The following MTMR8 variants were observed in gnomAD, a reference collection of about 807,000 sequenced individuals.
MTMR8 encodes myotubularin related protein 8, also known as phosphatidylinositol-3,5-bisphosphate 3-phosphatase MTMR8.
A neutral mutation model predicts 39.3 loss-of-function variants in MTMR8; 65 were observed. The ratio of observed to expected loss-of-function variants is 1.65; its 90% confidence interval spans 1.35 to 2.03. The LOEUF (loss-of-function observed/expected upper bound fraction) is 2.03, where lower values mean the gene tolerates loss of function less well. Among genes scored for constraint, MTMR8 ranks in the 30% most tolerant of loss-of-function variants. The pLI, the probability that MTMR8 is intolerant of heterozygous loss-of-function variation, is 0.00. For missense variants in MTMR8, 777 were observed against 538.9 expected (o/e 1.44, Z -4.37); for synonymous variants, 245 against 185.2 (o/e 1.32, Z -2.62).
Position 64,337,406 on chromosome X carries a change from G to C in MTMR8, c.976-13C>G. 5.8e-6 allele frequency: 7 copies of C among 1,204,588 alleles called. No homozygotes were observed. Among genetic ancestry groups the C allele is most frequent in the Non-Finnish European group, 7.8e-6 (7 of 892,052 alleles). ...CTACCTTCACTGCCTGTGAAGACAA[G>C]AGGCAAAAAAGTACCACAAGCAACC... is the stretch of plus-strand genomic sequence containing the variant. On this transcript the variant is annotated splice_polypyrimidine_tract_variant and intron_variant, in intron 8 of 13. Transcript: ENST00000374852.
At chrX:64,373,109 C>T (rs1443144121) in intron 1 of MTMR8, among the ~76,000 whole-genome samples, 1 of 111,777 alleles carries the variant, frequency 8.9e-6, no homozygotes, top group African/African-American at 3.3e-5. Context: ...TTGTTAATTC[C>T]ATTTCATATA....
chrX:64,287,448 G>T (rs1323193909), intron 12 of MTMR8, among the ~76,000 whole-genome samples: 2 of 111,137 alleles, frequency 1.8e-5, no homozygotes, highest in Non-Finnish European at 3.8e-5. Context: ...TTTCTTCACA[G>T]AATTGGAAAA....
At chrX:64,345,797 G>GT (rs772087718) in intron 6 of MTMR8, among the ~76,000 whole-genome samples, 2 of 111,275 alleles carry the variant, frequency 1.8e-5, no homozygotes, top group Non-Finnish European at 3.8e-5. Context: ...TACAAAAAAT[G>GT]TTTTTTGTAA....
At chrX:64,359,301 A>C (rs942791194) in intron 2 of MTMR8, 104 bp downstream of exon 2, 38 of 853,933 alleles carry the variant, frequency 4.4e-5, no homozygotes, top group Non-Finnish European at 5.9e-5. Flanking sequence ...AAAAGGTTTT[A>C]CAGCAATTTA....
chrX:64,269,735 A>AT (rs1158578132), intron 13 of MTMR8, among the ~76,000 whole-genome samples: 2 of 109,987 alleles, frequency 1.8e-5, no homozygotes, highest in African/African-American at 6.6e-5. Context: ...TAAACTTTTC[A>AT]TTTTTTACCT....
intron 7 of MTMR8, among the ~76,000 whole-genome samples, chrX:64,344,060 T>C (rs1207551075): frequency 9.1e-6 from 1 of 110,361 alleles, no homozygotes; most frequent in African/African-American, 3.3e-5. Context: ...CCACTTATGC[T>C]AACTCTGAAG....
chrX:64,271,591 T>C lies in MTMR8; in HGVS notation c.1482-518A>G, dbSNP rs531726910. On this transcript the variant is annotated intron_variant, in intron 12 of 13. Transcript: ENST00000374852. ...AAAAAGCAGAAACATCCACTCATCA[T>C]AATCCCAACTCCCAGCACAGTGCCA... Among the ~76,000 whole-genome samples the C allele has an allele frequency of 4.5e-4, 50 of 112,278 alleles. 2 individuals are homozygous for C. The South Asian group carries it at 0.019, about 42-fold the overall frequency.
intron 12 of MTMR8, among the ~76,000 whole-genome samples, chrX:64,303,989 G>A (rs1473119789): frequency 1.8e-5 from 2 of 111,909 alleles, no homozygotes; most frequent in Non-Finnish European, 3.8e-5. Context: ...CTGCAGCACA[G>A]TCTGTTTTGA....
At chrX:64,288,273 A>C (rs184539280) in intron 12 of MTMR8, among the ~76,000 whole-genome samples, 129 of 111,216 alleles carry the variant, frequency 1.2e-3, no homozygotes, top group African/African-American at 4.1e-3. Context: ...AACAATGCTC[A>C]TCACCACTGG....
chrX:64,333,807 C>T (rs1255943563), intron 10 of MTMR8, among the ~76,000 whole-genome samples: 1 of 111,919 alleles, frequency 8.9e-6, no homozygotes, highest in Non-Finnish European at 1.9e-5. Context: ...TCATTAAAAC[C>T]TGCATATTGC....
intron 12 of MTMR8, among the ~76,000 whole-genome samples, chrX:64,282,080 G>T (rs1932028233): frequency 9.0e-6 from 1 of 111,116 alleles, no homozygotes; most frequent in African/African-American, 3.3e-5. Context: ...ACAGATGCTG[G>T]CAAGGCTGGG....
Position 64,379,254 on chromosome X carries a change from C to G in MTMR8, c.24+16086G>C, listed in dbSNP as rs915386213. ...ACCATCTCTTCAAAATGGAAGCAGACAGAATACTTCCTAACTCATTCTATA... is the reference window on the plus strand; with the variant it reads ...ACCATCTCTTCAAAATGGAAGCAGAGAGAATACTTCCTAACTCATTCTATA... On this transcript the variant is annotated intron_variant, in intron 1 of 13. Transcript: ENST00000374852. 4.5e-5 allele frequency among the ~76,000 whole-genome samples: 5 copies of G among 111,981 alleles called. No homozygotes were observed. In the East Asian group the frequency reaches 1.1e-3, roughly 25 times the overall value.
Position 64,285,138 on chromosome X carries a change from C to A in MTMR8, c.1482-14065G>T, listed in dbSNP as rs1208978468. Among the ~76,000 whole-genome samples the A allele has an allele frequency of 1.2e-4, 13 of 110,898 alleles. No individual in the cohort carries two copies. The South Asian group carries it at 3.1e-3, about 26-fold the overall frequency. ...AAGGGATGGAGGAAGATCTACCAAG[C>A]AAATGGAAAACAAAAAAAGGCAGGG... On this transcript the variant is annotated intron_variant, in intron 12 of 13. Coordinates refer to ENST00000374852, the MANE Select transcript of MTMR8 (RefSeq NM_017677.4).
chrX:64,273,066 A>T (rs962372968), intron 12 of MTMR8, among the ~76,000 whole-genome samples: 7 of 111,699 alleles, frequency 6.3e-5, no homozygotes, highest in African/African-American at 2.3e-4. Flanking sequence ...TTGAAAGGGA[A>T]ATGAAAATGA....
At chrX:64,303,256 T>C (rs1921964131) in intron 12 of MTMR8, among the ~76,000 whole-genome samples, 2 of 112,267 alleles carry the variant, frequency 1.8e-5, no homozygotes, top group Non-Finnish European at 3.8e-5. Flanking sequence ...TGTTGAACAT[T>C]TATCTTTTTT....
At chrX:64,374,348 A>T (rs1298741856) in intron 1 of MTMR8, among the ~76,000 whole-genome samples, 1 of 111,922 alleles carries the variant, frequency 8.9e-6, no homozygotes, top group African/African-American at 3.3e-5. Flanking sequence ...CTATTTTCAG[A>T]CTATGGAGTT....
intron 12 of MTMR8, among the ~76,000 whole-genome samples, chrX:64,282,285 G>C (rs1920996835): frequency 9.0e-6 from 1 of 111,055 alleles, no homozygotes; most frequent in South Asian, 3.8e-4. Flanking sequence ...GTTTATTGCA[G>C]CAGTATTCAC....
Position 64,308,256 on chromosome X carries a change from G to A in MTMR8, c.1481+20516C>T, listed in dbSNP as rs1320521386. 5.6e-5 allele frequency among the ~76,000 whole-genome samples: 6 copies of A among 107,868 alleles called. No individual in the cohort carries two copies. In the East Asian group the frequency reaches 1.1e-3, roughly 21 times the overall value. The allele number at this position is 107,868 out of a possible 115,157, so 93.7% of individuals were successfully genotyped here. A position where few individuals can be genotyped will look rare whatever the true frequency, so the allele number is the denominator to read the frequency against. On this transcript the variant is annotated intron_variant, in intron 12 of 13. Coordinates refer to ENST00000374852, the MANE Select transcript of MTMR8 (RefSeq NM_017677.4). ...ATTATTTTTTGAGACAGAGTCTCAC[G>A]CCATTCTCCTGTCTCAGCCTCCAGA...
rs191939399 is a variant in MTMR8 at position 64,287,375 on chromosome X, A to T, written c.1482-16302T>A. 1.0e-3 allele frequency among the ~76,000 whole-genome samples: 116 copies of T among 111,754 alleles called. No individual in the cohort carries two copies. The Middle Eastern group carries it at 0.037, about 35-fold the overall frequency. On this transcript the variant is annotated intron_variant, in intron 12 of 13. Transcript: ENST00000374852. ...GGATAGGAAGACTCAATATCATGAAAATGGCCATACTGCCTAAGGTAATTT... is the reference window on the plus strand; with the variant it reads ...GGATAGGAAGACTCAATATCATGAATATGGCCATACTGCCTAAGGTAATTT...
Sources: gnomAD v4.1 joint callset for allele counts (sites outside exome capture counted in the v4.1 genomes callset) on GRCh38, gnomAD v4.1.1 for gene constraint, MANE v1.5 for transcripts, NCBI Gene and HGNC (gene_info 2026-07-23, HGNC 2026-07-21) for gene names.